The following VPS41 variants were observed in gnomAD, a reference collection of about 807,000 sequenced individuals.
VPS41 encodes vacuolar protein sorting-associated protein 41 homolog.
In VPS41, 85 loss-of-function variants were observed where a neutral mutation model predicts 130.9. The ratio of observed to expected loss-of-function variants is 0.65; its 90% CI spans 0.55 to 0.78. The LOEUF is 0.78. VPS41 is among the 30% of genes least tolerant of loss of function. The pLI is 0.00. For synonymous variants in VPS41, 335 were observed against 332.9 expected (o/e 1.01, Z -0.07); for missense variants, 874 against 1,018.7 (o/e 0.86, Z 1.93).
chr7:38,739,220 GC>G (rs1236981121), intron 25 of VPS41, among the ~76,000 whole-genome samples: 1 of 152,132 alleles, frequency 6.6e-6, no homozygotes, highest in Non-Finnish European at 1.5e-5. Context: ...GTTCTTGATA[GC>G]CCCTGGGGTT....
chr7:38,869,185 A>C lies in VPS41; in HGVS notation c.129T>G (p.Leu43=), dbSNP rs770580709. The stretch of plus-strand genomic sequence containing the variant: ...TCATGCAGCTAGCTGCATCCTTCTG[A>C]AGTATTTCAGTTACCCCATTGGAAA... ...ERLSNGVTEI[L]QKDAASCMTV... The change falls in exon 3 of 29, where the codon CTT becomes CTG. Residue 43 remains leucine, a synonymous_variant. Coordinates refer to ENST00000310301, the MANE Select transcript of VPS41 (RefSeq NM_014396.4). The C allele has an allele frequency of 4.3e-6, 7 of 1,611,684 alleles. No homozygotes were observed. The highest frequency in any genetic ancestry group is 1.7e-5 in the Admixed American group (1 of 59,744).
At chr7:38,783,039 A>G (rs1584393977) in intron 10 of VPS41, among the ~76,000 whole-genome samples, 1 of 151,232 alleles carries the variant, frequency 6.6e-6, no homozygotes, top group South Asian at 2.1e-4. Context: ...AATCGCTTGA[A>G]CCCGCGAGCA....
At chr7:38,898,706 G>A (rs1019529395) in intron 1 of VPS41, among the ~76,000 whole-genome samples, 6 of 152,072 alleles carry the variant, frequency 3.9e-5, no homozygotes, top group African/African-American at 1.4e-4. Flanking sequence ...TTTCCCTCTC[G>A]CTAGACAATG....
At chr7:38,900,339 A>T (rs1787114025) in intron 1 of VPS41, among the ~76,000 whole-genome samples, 1 of 152,196 alleles carries the variant, frequency 6.6e-6, no homozygotes, top group Admixed American at 6.5e-5. Flanking sequence ...CTTACTTATA[A>T]GTAGAAGCTA....
intron 25 of VPS41, among the ~76,000 whole-genome samples, chr7:38,736,597 C>T (rs1022303918): frequency 5.9e-5 from 9 of 152,226 alleles, no homozygotes; most frequent in Non-Finnish European, 1.3e-4. Context: ...ACAATGAATG[C>T]ATCTCCAGAG....
At chr7:38,828,182 C>T (rs1296997223) in intron 5 of VPS41, among the ~76,000 whole-genome samples, 1 of 152,008 alleles carries the variant, frequency 6.6e-6, no homozygotes, top group African/African-American at 2.4e-5. Flanking sequence ...CCAAAATAAA[C>T]CTTGTATGTA....
intron 4 of VPS41, among the ~76,000 whole-genome samples, chr7:38,856,078 T>C (rs1241275506): frequency 2.0e-5 from 3 of 152,050 alleles, no homozygotes; most frequent in African/African-American, 7.3e-5. Flanking sequence ...GAAGGGAAGG[T>C]CTCTCCTGTC....
chr7:38,839,431 T>C (rs1785561298), intron 4 of VPS41, among the ~76,000 whole-genome samples: 1 of 152,210 alleles, frequency 6.6e-6, no homozygotes, highest in African/African-American at 2.4e-5. Flanking sequence ...AGTATATTCT[T>C]TTTTTCTTTG....
chr7:38,748,556 T>G (rs1207217645), intron 22 of VPS41, among the ~76,000 whole-genome samples: 1 of 150,816 alleles, frequency 6.6e-6, no homozygotes. Flanking sequence ...CTATTAGATA[T>G]GAGAGCGATC....
intron 22 of VPS41, among the ~76,000 whole-genome samples, chr7:38,751,502 C>T (rs1044640289): frequency 7.9e-5 from 12 of 152,122 alleles, no homozygotes; most frequent in Non-Finnish European, 8.8e-5. Context: ...TTATTTAGCC[C>T]GAACTAGGAT....
At chr7:38,821,706 C>CAAAA (rs10669199) in intron 5 of VPS41, among the ~76,000 whole-genome samples, 5 of 117,456 alleles carry the variant, frequency 4.3e-5, no homozygotes, top group Admixed American at 1.8e-4. Flanking sequence ...GACTCCGTCT[C>CAAAA]AAAAAAAAAA....
intron 2 of VPS41, among the ~76,000 whole-genome samples, chr7:38,892,415 G>C (rs1786885649): frequency 6.6e-6 from 1 of 152,100 alleles, no homozygotes; most frequent in Admixed American, 6.5e-5. Context: ...TACCTAAAGA[G>C]CATACCAAAG....
chr7:38,771,783 T>C (rs1052098248), intron 13 of VPS41, among the ~76,000 whole-genome samples: 1 of 152,230 alleles, frequency 6.6e-6, no homozygotes, highest in Non-Finnish European at 1.5e-5. Context: ...ACATAAATAT[T>C]TAAAACATAC....
Position 38,853,579 on chromosome 7 carries a change from T to C in VPS41, c.246+8966A>G, listed in dbSNP as rs368562843. Among the ~76,000 whole-genome samples, 15 of 152,304 alleles carry C rather than the reference T, an allele frequency of 9.8e-5. No homozygotes were observed. In the South Asian group the frequency reaches 2.9e-3, roughly 29 times the overall value. On this transcript the variant is annotated intron_variant, in intron 4 of 28. Transcript: ENST00000310301. Reference sequence around the variant, plus strand: ...AGATTCCTCCCCTAGGTCTACACCTTATTCATAATCCTTTTAAAGCTCTTA... The same window carrying C: ...AGATTCCTCCCCTAGGTCTACACCTCATTCATAATCCTTTTAAAGCTCTTA...
intron 23 of VPS41, among the ~76,000 whole-genome samples, chr7:38,744,175 G>C (rs1383050380): frequency 6.6e-6 from 1 of 152,108 alleles, no homozygotes; most frequent in Non-Finnish European, 1.5e-5. Flanking sequence ...CCTTCTATTG[G>C]CTAATTGTCT....
At chr7:38,737,421 G>T (rs527360502) in intron 25 of VPS41, among the ~76,000 whole-genome samples, 15 of 152,156 alleles carry the variant, frequency 9.9e-5, no homozygotes, top group African/African-American at 3.6e-4. Flanking sequence ...CCTAGTCTTG[G>T]TCATAGATAC....
chr7:38,761,904 A>G (rs529640183), intron 17 of VPS41, among the ~76,000 whole-genome samples: 2 of 152,300 alleles, frequency 1.3e-5, no homozygotes, highest in South Asian at 2.1e-4. Flanking sequence ...TTAAGACTAT[A>G]TAAGATAAAA....
chr7:38,882,296 G>T (rs1786626335), intron 2 of VPS41, among the ~76,000 whole-genome samples: 1 of 152,128 alleles, frequency 6.6e-6, no homozygotes, highest in Admixed American at 6.5e-5. Flanking sequence ...GGTTTCTGGG[G>T]CACCACTCTC....
chr7:38,755,152 C>T (rs1167656552), intron 19 of VPS41, among the ~76,000 whole-genome samples: 1 of 152,158 alleles, frequency 6.6e-6, no homozygotes, highest in Non-Finnish European at 1.5e-5. Flanking sequence ...GTGTTTTGCA[C>T]ACTACTAAAA....
Sources: allele counts gnomAD v4.1 joint callset (sites outside exome capture counted in the v4.1 genomes callset), GRCh38; gene constraint gnomAD v4.1.1; transcripts MANE v1.5; gene names NCBI Gene and HGNC (gene_info 2026-07-23, HGNC 2026-07-21).